Variants in KLHL30 observed in about 807,000 individuals in gnomAD.
KLHL30 encodes kelch like family member 30.
Under a neutral mutation model 55.0 loss-of-function variants are expected in KLHL30, and 55 were observed. The observed-to-expected ratio is 1.00, with a 90% CI of 0.80 to 1.25. The LOEUF (loss-of-function observed/expected upper bound fraction) is 1.25, where lower values mean the gene tolerates loss of function less well. Ranked by LOEUF, KLHL30 falls within the 50% of genes most tolerant of loss-of-function variation. The probability of loss-of-function intolerance (pLI) is 0.00; values close to 1 mark genes in which losing one functional copy is unlikely to be tolerated. For missense variants in KLHL30, 786 were observed against 811.6 expected, an observed-to-expected ratio of 0.97 and a Z score of 0.38; for synonymous variants, 356 against 372.6, an observed-to-expected ratio of 0.96 and a Z score of 0.51.
intron 4 of KLHL30, 25 bp from the exon 5 acceptor site, chr2:238,145,652 A>C: frequency 1.9e-6 from 3 of 1,563,140 alleles, no homozygotes; most frequent in Non-Finnish European, 2.6e-6. Context: ...GGTGGCACCC[A>C]TGTAGACAGA....
At chr2:238,140,388 ACACCCAGGG>A (rs1692509715) in intron 1 of KLHL30, among the ~76,000 whole-genome samples, 1 of 152,092 alleles carries the variant, frequency 6.6e-6, no homozygotes, top group Admixed American at 6.5e-5. Flanking sequence ...GTTGCAGATG[ACACCCAGGG>A]CATGGGTTCT....
chr2:238,140,712 C>T lies in KLHL30; in HGVS notation c.-43C>T, dbSNP rs1473645641. 3.4e-6 allele frequency: 5 copies of T among 1,460,760 alleles called. No individual in the cohort carries two copies. The Admixed American group carries it at 1.3e-4, about 38-fold the overall frequency. 90.5% of individuals were successfully genotyped at this position (1,460,760 alleles called of 1,614,324 possible). ...GCTCGGGCGGCTCCAGGCACTTCTT[C>T]CCTTGAGTGGGTGGACTACTGAGGT... On this transcript the variant is annotated 5_prime_UTR_variant, in exon 2 of 8. Coordinates refer to ENST00000409223, the MANE Select transcript of KLHL30 (RefSeq NM_198582.4).
intron 1 of KLHL30, among the ~76,000 whole-genome samples, chr2:238,140,220 C>T (rs939958885): frequency 6.6e-6 from 1 of 152,228 alleles, no homozygotes; most frequent in African/African-American, 2.4e-5. Context: ...TCTCTGCATG[C>T]TTGGCACGTG....
In KLHL30 at chr2:238,144,428, AAGGAAGGCAGGCAGGCAGGC is replaced by A. The variant is rs1276374212; in HGVS notation, c.908-470_908-451del. 4.3e-3 allele frequency among the ~76,000 whole-genome samples: 330 copies of A among 76,754 alleles called. 2 individuals are homozygous for A. Among genetic ancestry groups the A allele is most frequent in the East Asian group, 7.4e-3 (21 of 2,850 alleles). 50.4% of individuals were successfully genotyped at this position (76,754 alleles called of 152,430 possible). A position where few individuals can be genotyped will look rare whatever the true frequency, so the allele number is the denominator to read the frequency against. ...GAAGGAAGGAAGGAAGGAAGGAAGG[AAGGAAGGCAGGCAGGCAGGC>A]AGGCAGGCAGGCAGGCAGGCAGGCA... is the stretch of plus-strand genomic sequence containing the variant. On this transcript the variant is annotated intron_variant, in intron 3 of 7. Coordinates refer to ENST00000409223, the MANE Select transcript of KLHL30 (RefSeq NM_198582.4).
intron 7 of KLHL30, among the ~76,000 whole-genome samples, chr2:238,149,538 G>A (rs1467278747): frequency 6.6e-5 from 10 of 152,184 alleles, no homozygotes; most frequent in African/African-American, 1.7e-4. Flanking sequence ...GTGGGAGAAC[G>A]CGATTTGGGT....
chr2:238,142,310 C>T (rs1692556890), intron 2 of KLHL30, among the ~76,000 whole-genome samples: 1 of 152,244 alleles, frequency 6.6e-6, no homozygotes, highest in African/African-American at 2.4e-5. Context: ...GCCCGGCCTC[C>T]TGCTGGAGCT....
chr2:238,149,254 A>G, intron 7 of KLHL30, 102 bp downstream of exon 7: 1 of 1,487,200 alleles, frequency 6.7e-7, no homozygotes, highest in South Asian at 1.2e-5. Context: ...CAGAGGGCCC[A>G]CTGCGAAGGG....
At position 238,141,150 on chromosome 2, in the gene KLHL30, C is replaced by G; in HGVS notation, c.396C>G (p.Ala132=). 1 of 1,611,694 alleles carries G rather than the reference C, an allele frequency of 6.2e-7. No individual in the cohort carries two copies. The highest frequency in any genetic ancestry group is 8.5e-7 in the Non-Finnish European group (1 of 1,179,358). The change falls in exon 2 of 8, where the codon GCC becomes GCG. Residue 132 remains alanine, a synonymous_variant. Transcript: ENST00000409223. The part of the protein sequence containing the change: ...CGRYLQQQLD[A]ANCLGICEFG... ...GCTACCTGCAGCAGCAACTGGATGCCGCCAACTGCCTGGGCATCTGTGAGT... is the reference window on the plus strand; with the variant it reads ...GCTACCTGCAGCAGCAACTGGATGCGGCCAACTGCCTGGGCATCTGTGAGT...
At chr2:238,142,468 G>A (rs1006669161) in intron 2 of KLHL30, among the ~76,000 whole-genome samples, 5 of 152,292 alleles carry the variant, frequency 3.3e-5, no homozygotes, top group South Asian at 4.1e-4. Context: ...CTTACCGGCC[G>A]TTCCTAAGAC....
At chr2:238,145,961 G>A (rs1692641324) in intron 5 of KLHL30, 129 bp downstream of exon 5, 2 of 1,155,348 alleles carry the variant, frequency 1.7e-6, no homozygotes, top group South Asian at 1.6e-5. Flanking sequence ...CACCCTCAGG[G>A]CTCGCTGTCT....
At chr2:238,148,866 C>T in intron 6 of KLHL30, 141 bp from the exon 7 acceptor site, 5 of 794,166 alleles carry the variant, frequency 6.3e-6, no homozygotes, top group Non-Finnish European at 1.0e-5. Context: ...AGCTGCACCG[C>T]AGGGACCTAC....
chr2:238,150,375 T>A (rs1046677054), intron 7 of KLHL30, among the ~76,000 whole-genome samples: 7 of 152,074 alleles, frequency 4.6e-5, no homozygotes, highest in Admixed American at 3.3e-4. Flanking sequence ...CCAGGGGCAC[T>A]CCCAAGGCCA....
chr2:238,145,923 G>C (rs1046638430), intron 5 of KLHL30, 91 bp downstream of exon 5: 6 of 1,364,784 alleles, frequency 4.4e-6, no homozygotes, highest in South Asian at 1.5e-5. Context: ...GCTGGCCTCG[G>C]AGACCACGGA....
At chr2:238,139,395 C>A (rs566332122) in intron 1 of KLHL30, among the ~76,000 whole-genome samples, 63 of 152,332 alleles carry the variant, frequency 4.1e-4, no homozygotes, top group Middle Eastern at 3.4e-3. Context: ...AGGGGCCAGG[C>A]AGGAACCCCA....
chr2:238,147,856 G>T lies in KLHL30; in HGVS notation c.1173G>T (p.Glu391Asp). 1.3e-6 allele frequency: 2 copies of T among 1,541,092 alleles called. No individual in the cohort carries two copies. Among genetic ancestry groups the T allele is most frequent in the South Asian group, 2.4e-5 (2 of 82,590 alleles). ...VIGGTTLDVV[E>D]VESYDPYTDS... The stretch of plus-strand genomic sequence containing the variant: ...CAGGCACCACCCTGGACGTGGTGGA[G>T]GTGGAGAGCTATGACCCCTACACGG... The change falls in exon 6 of 8, where the codon GAG becomes GAT. Residue 391 changes from glutamate to aspartate, a missense_variant. Transcript: ENST00000409223. This position sits in a 1 kb window ranked among gnomAD's most constrained non-coding sequence, Gnocchi z 5.8.
At position 238,141,273 on chromosome 2, in the gene KLHL30, G is replaced by C; in HGVS notation, c.519G>C (p.Gln173His). 1.2e-6 allele frequency: 2 copies of C among 1,603,230 alleles called. No individual in the cohort carries two copies. Among genetic ancestry groups the C allele is most frequent in the Non-Finnish European group, 1.7e-6 (2 of 1,178,640 alleles). ...TGGCACGTGAGGACGAGTTCCTGCA[G>C]CTTCCCCGAGAGCGGCTGGTCACTT... is the stretch of plus-strand genomic sequence containing the variant. ...EAVAREDEFL[Q>H]LPRERLVTCL... The change falls in exon 2 of 8, where the codon CAG becomes CAC. Residue 173 changes from glutamine to histidine, a missense_variant. By Grantham distance (24) the Gln-to-His change is conservative (BLOSUM62 0). Transcript: ENST00000409223.
intron 5 of KLHL30, among the ~76,000 whole-genome samples, chr2:238,146,914 G>C (rs887840127): frequency 6.6e-6 from 1 of 150,946 alleles, no homozygotes; most frequent in Non-Finnish European, 1.5e-5. Context: ...GCCAAGGCAG[G>C]AGAATCGTTT....
At chr2:238,141,630 G>C in intron 2 of KLHL30, 102 bp downstream of exon 2, 1 of 1,269,784 alleles carries the variant, frequency 7.9e-7, no homozygotes, top group Non-Finnish European at 1.0e-6. Context: ...ATTCCAAGGT[G>C]CACTCTGACC....
Position 238,147,315 on chromosome 2 carries a change from C to T in KLHL30, c.1151-519C>T, listed in dbSNP as rs1171534829. Reference sequence around the variant, plus strand: ...CAGAGAGCAGAAAGCACCCAGGGCTCCCGAGCCCAGGGCTTGTGAGGTCCC... The same window carrying T: ...CAGAGAGCAGAAAGCACCCAGGGCTTCCGAGCCCAGGGCTTGTGAGGTCCC... On this transcript the variant is annotated intron_variant, in intron 5 of 7. Transcript: ENST00000409223. This position sits in a 1 kb window ranked among gnomAD's most constrained non-coding sequence, Gnocchi z 5.8. Among the ~76,000 whole-genome samples the T allele has an allele frequency of 6.6e-6, 1 of 152,024 alleles. No individual in the cohort carries two copies. Among genetic ancestry groups the T allele is most frequent in the African/African-American group, 2.4e-5 (1 of 41,392 alleles).
Sources: gnomAD v4.1 joint callset for allele counts (sites outside exome capture counted in the v4.1 genomes callset) on GRCh38, gnomAD v4.1.1 for gene constraint, Gnocchi (gnomAD v3.1) non-coding constraint, MANE v1.5 for transcripts, NCBI Gene and HGNC (gene_info 2026-07-23, HGNC 2026-07-21) for gene names.